Variants in FAM3B observed in about 807,000 individuals in gnomAD.
The protein encoded by FAM3B is FAM3 metabolism regulating signaling molecule B.
FAM3B carries 29 observed loss-of-function variants against 28.4 expected under a neutral mutation model. The ratio of observed to expected loss-of-function variants is 1.02; its 90% CI spans 0.76 to 1.39. FAM3B has a LOEUF of 1.39. Ranked by LOEUF, FAM3B falls within the 40% of genes most tolerant of loss-of-function variation. FAM3B has a pLI of 0.00. For missense variants in FAM3B, 266 were observed against 293.9 expected, an observed-to-expected ratio of 0.91 and a Z score of 0.69; for synonymous variants, 91 against 103.0, an observed-to-expected ratio of 0.88 and a Z score of 0.71.
chr21:41,345,107 C>G (rs564306776), intron 4 of FAM3B, among the ~76,000 whole-genome samples: 1 of 152,316 alleles, frequency 6.6e-6, no homozygotes, highest in African/African-American at 2.4e-5. Context: ...ATAAAATGCT[C>G]CCAATCTGAC....
chr21:41,349,691 G>A (rs1170098847), intron 7 of FAM3B, among the ~76,000 whole-genome samples: 1 of 152,204 alleles, frequency 6.6e-6, no homozygotes, highest in African/African-American at 2.4e-5. Context: ...GGAGAAGGGG[G>A]CTGGATAAGG....
At chr21:41,313,261 T>C (rs1159100202), upstream of FAM3B, among the ~76,000 whole-genome samples, 3 of 152,246 alleles carry the variant, frequency 2.0e-5, no homozygotes, top group Non-Finnish European at 4.4e-5. Flanking sequence ...AAATCCTTGA[T>C]ATATATAACC....
At chr21:41,321,163 G>T (rs530181802) in intron 1 of FAM3B, among the ~76,000 whole-genome samples, 12 of 152,312 alleles carry the variant, frequency 7.9e-5, no homozygotes, top group African/African-American at 2.9e-4. Flanking sequence ...ACAGGGCACG[G>T]CCTTTTCCTT....
At chr21:41,343,872 C>T (rs916944864) in intron 3 of FAM3B, among the ~76,000 whole-genome samples, 1 of 152,162 alleles carries the variant, frequency 6.6e-6, no homozygotes, top group Non-Finnish European at 1.5e-5. Flanking sequence ...AATCCCAGCA[C>T]TTTGGGAGGC....
intron 1 of FAM3B, among the ~76,000 whole-genome samples, chr21:41,319,183 A>G (rs1480488263): frequency 1.3e-5 from 2 of 152,154 alleles, no homozygotes; most frequent in East Asian, 3.8e-4. Flanking sequence ...GGTGTAAGCC[A>G]CTGCACCCAG....
At chr21:41,344,350 A>G (rs931885183) in intron 3 of FAM3B, 126 bp from the exon 4 acceptor site, 10 of 818,934 alleles carry the variant, frequency 1.2e-5, no homozygotes, top group African/African-American at 3.4e-5. Context: ...ACCAAGGCGA[A>G]TGCAGACTTT....
chr21:41,312,197 CTTGATGCGTGGTAG>C (rs1382101043), upstream of FAM3B, among the ~76,000 whole-genome samples: 1 of 152,234 alleles, frequency 6.6e-6, no homozygotes. Context: ...TGTACCAAAA[CTTGATGCGTGGTAG>C]TTTACACTGT....
At chr21:41,311,455 C>T (rs2088713535) in intron 1 of FAM3B, among the ~76,000 whole-genome samples, 1 of 147,024 alleles carries the variant, frequency 6.8e-6, no homozygotes, top group Admixed American at 6.8e-5. Flanking sequence ...AGAGTGAGAC[C>T]CTGTATTAAA....
intron 2 of FAM3B, among the ~76,000 whole-genome samples, chr21:41,328,122 C>T (rs953429378): frequency 1.3e-5 from 2 of 152,178 alleles, no homozygotes; most frequent in African/African-American, 4.8e-5. Flanking sequence ...CAGCACTGCC[C>T]ACGGGAAAGT....
intron 1 of FAM3B, among the ~76,000 whole-genome samples, chr21:41,321,311 G>A (rs1032365505): frequency 3.3e-5 from 5 of 152,204 alleles, no homozygotes; most frequent in Non-Finnish European, 7.3e-5. Context: ...GTCTGTGTGG[G>A]CGCTGTGGCT....
chr21:41,323,171 A>G (rs1005763053), intron 2 of FAM3B, 105 bp downstream of exon 2: 4 of 1,472,720 alleles, frequency 2.7e-6, no homozygotes, highest in Non-Finnish European at 3.7e-6. Flanking sequence ...TGACGGCTTT[A>G]TATCAGGAAG....
At chr21:41,337,340 G>A (rs1028945923) in intron 2 of FAM3B, among the ~76,000 whole-genome samples, 1 of 152,202 alleles carries the variant, frequency 6.6e-6, no homozygotes, top group African/African-American at 2.4e-5. Flanking sequence ...TCGGGGATCT[G>A]AGTGGGATCA....
chr21:41,335,209 T>C (rs2088944410), intron 2 of FAM3B, among the ~76,000 whole-genome samples: 1 of 151,904 alleles, frequency 6.6e-6, no homozygotes, highest in African/African-American at 2.4e-5. Context: ...AATGCTGGAG[T>C]GATTTTGGAC....
At chr21:41,343,562 A>G (rs1487064474) in intron 3 of FAM3B, among the ~76,000 whole-genome samples, 1 of 152,202 alleles carries the variant, frequency 6.6e-6, no homozygotes. Flanking sequence ...AAAGGTGTCA[A>G]AACAAAATAT....
chr21:41,316,445 C>T (rs1300546904), upstream of FAM3B, among the ~76,000 whole-genome samples: 1 of 152,232 alleles, frequency 6.6e-6, no homozygotes, highest in African/African-American at 2.4e-5. Context: ...CTGGGCTGGG[C>T]CTCTGCTTTG....
At chr21:41,349,319 A>G (rs2089092847) in intron 7 of FAM3B, among the ~76,000 whole-genome samples, 1 of 152,240 alleles carries the variant, frequency 6.6e-6, no homozygotes, top group Admixed American at 6.5e-5. Flanking sequence ...CAAGCTGAGC[A>G]TCCGATGACA....
chr21:41,331,613 G>A (rs2088906285), intron 2 of FAM3B, among the ~76,000 whole-genome samples: 1 of 152,128 alleles, frequency 6.6e-6, no homozygotes, highest in Admixed American at 6.5e-5. Flanking sequence ...GACTTTTTAT[G>A]TGGTGTGAGA....
chr21:41,310,787 G>A (rs2088704735), intron 1 of FAM3B, among the ~76,000 whole-genome samples: 1 of 152,172 alleles, frequency 6.6e-6, no homozygotes, highest in South Asian at 2.1e-4. Context: ...AAGCCTGGCT[G>A]CTCCCAGCCC....
intron 1 of FAM3B, among the ~76,000 whole-genome samples, chr21:41,304,756 T>G (rs2088673511): frequency 6.6e-6 from 1 of 152,172 alleles, no homozygotes; most frequent in South Asian, 2.1e-4. Flanking sequence ...GGGATCCTCC[T>G]GCTTGTCCCT....
Sources: gnomAD v4.1 joint callset for allele counts (sites outside exome capture counted in the v4.1 genomes callset) on GRCh38, gnomAD v4.1.1 for gene constraint, MANE v1.5 for transcripts, NCBI Gene and HGNC (gene_info 2026-07-23, HGNC 2026-07-21) for gene names.